DENND6A: variants seen among roughly 807,000 people sequenced by gnomAD.
DENND6A encodes the protein DENN domain containing 6A, also known as protein DENND6A.
Under a neutral mutation model 95.5 loss-of-function variants are expected in DENND6A, and 43 were observed. The ratio of observed to expected loss-of-function variants is 0.45; its 90% confidence interval spans 0.35 to 0.58. The LOEUF is 0.58. DENND6A is among the 20% of genes least tolerant of loss of function. The pLI is 0.00. For missense variants in DENND6A, 574 were observed against 736.0 expected (o/e 0.78, Z 2.55); for synonymous variants, 257 against 260.4 (o/e 0.99, Z 0.13).
At chr3:57,671,873 G>A (rs971571094) in intron 3 of DENND6A, among the ~76,000 whole-genome samples, 2 of 152,028 alleles carry the variant, frequency 1.3e-5, no homozygotes, top group Non-Finnish European at 2.9e-5. Context: ...AATTTATCCT[G>A]GCTTTTTTTA....
intron 1 of DENND6A, among the ~76,000 whole-genome samples, chr3:57,677,714 G>A (rs2071736479): frequency 6.6e-6 from 1 of 151,998 alleles, no homozygotes; most frequent in Non-Finnish European, 1.5e-5. Flanking sequence ...TGGGATTATA[G>A]GCCACTACAT....
rs187679837 is a variant in DENND6A, at chr3:57,661,104, G to A, written c.620-265C>T. 1.3e-3 allele frequency among the ~76,000 whole-genome samples: 196 copies of A among 152,000 alleles called. 2 individuals carry two copies. The highest frequency in any genetic ancestry group is 1.9e-4 in the Non-Finnish European group (13 of 68,000). On this transcript the variant is annotated intron_variant, in intron 6 of 19. Transcript: ENST00000311128. The stretch of plus-strand genomic sequence containing the variant: ...TGTATTCATTTATTACTACTAATTA[G>A]CTACAAAAGCACATCAACTGGCAAA...
intron 1 of DENND6A, among the ~76,000 whole-genome samples, chr3:57,677,145 C>T (rs929608928): frequency 6.6e-6 from 1 of 151,976 alleles, no homozygotes; most frequent in African/African-American, 2.4e-5. Context: ...TTTTTTAAAT[C>T]GTCAACTTTC....
At position 57,661,447 on chromosome 3, in the gene DENND6A, T is replaced by C. The variant is rs2071422498; in HGVS notation, c.618A>G (p.Ala206=). The C allele has an allele frequency of 1.9e-6, 3 of 1,560,944 alleles. No individual in the cohort carries two copies. Among genetic ancestry groups the C allele is most frequent in the African/African-American group, 2.8e-5 (2 of 71,416 alleles). Residue 206 remains alanine (A), a splice_region_variant and synonymous_variant, in exon 6 of 20, where the codon GCA becomes GCG. Coordinates refer to ENST00000311128, the MANE Select transcript of DENND6A (RefSeq NM_152678.3). Reference sequence around the variant, plus strand: ...CATAAAGGTATATGTTAAACTTACCTGCTTCCAAATAAGGTTCATTCTTTT... The same window carrying C: ...CATAAAGGTATATGTTAAACTTACCCGCTTCCAAATAAGGTTCATTCTTTT... The part of the protein sequence containing the change: ...YFEKNEPYLE[A]ACNDVDRWPA...
At chr3:57,659,300 CTA>C (rs1426609220) in intron 7 of DENND6A, 120 bp from the exon 8 acceptor site, 1 of 994,334 alleles carries the variant, frequency 1.0e-6, no homozygotes, top group Non-Finnish European at 1.5e-6. Context: ...ACAAAATTAT[CTA>C]TGTCAGAGTT....
At chr3:57,667,002 T>C (rs2071534049) in intron 3 of DENND6A, among the ~76,000 whole-genome samples, 1 of 152,260 alleles carries the variant, frequency 6.6e-6, no homozygotes, top group South Asian at 2.1e-4. Flanking sequence ...CTTTTTCTTT[T>C]ACAAACGTAG....
In DENND6A at chr3:57,628,119, C is replaced by T. The variant is rs566527979; in HGVS notation, c.*95G>A. ...TAGCATTCATGGCAATTTTCCACTCCGCTGCCACTGAGAGATCTCCTTTGT... is the reference window on the plus strand; with the variant it reads ...TAGCATTCATGGCAATTTTCCACTCTGCTGCCACTGAGAGATCTCCTTTGT... On this transcript the variant is annotated 3_prime_UTR_variant, in exon 20 of 20. Coordinates refer to ENST00000311128, the MANE Select transcript of DENND6A (RefSeq NM_152678.3). 1.0e-4 allele frequency: 155 copies of T among 1,513,666 alleles called. No individual in the cohort carries two copies. Among genetic ancestry groups the T allele is most frequent in the Admixed American group, 9.9e-4 (47 of 47,610 alleles). The allele number at this position is 1,513,666 out of a possible 1,614,324, so 93.8% of individuals were successfully genotyped here. A position where few individuals can be genotyped will look rare whatever the true frequency, so the allele number is the denominator to read the frequency against.
In DENND6A at chr3:57,676,375, T is replaced by A. The variant is rs1398381276; in HGVS notation, c.238-3937A>T. 2.1e-4 allele frequency among the ~76,000 whole-genome samples: 18 copies of A among 87,362 alleles called. 1 individual carries two copies. The highest frequency in any genetic ancestry group is 3.3e-4 in the Non-Finnish European group (15 of 44,912). The allele number at this position is 87,362 out of a possible 152,430, so 57.3% of individuals were successfully genotyped here. On this transcript the variant is annotated intron_variant, in intron 1 of 19. Coordinates refer to ENST00000311128, the MANE Select transcript of DENND6A (RefSeq NM_152678.3). ...AGCCTGGCAAAAGAATAAGATTATT[T>A]AAAAAAAAAAAAAAAAAAAAAAAGG... is the stretch of plus-strand genomic sequence containing the variant.
At chr3:57,688,542 A>G (rs1164345693) in intron 1 of DENND6A, among the ~76,000 whole-genome samples, 1 of 152,028 alleles carries the variant, frequency 6.6e-6, no homozygotes, top group East Asian at 1.9e-4. Context: ...CTTCAGCCTC[A>G]TTCCAGAAAA....
intron 9 of DENND6A, chr3:57,654,848 A>G: frequency 2.2e-6 from 2 of 895,724 alleles, no homozygotes; most frequent in East Asian, 1.2e-4. Context: ...CACCTTCAAT[A>G]TAACTGGATA....
intron 9 of DENND6A, among the ~76,000 whole-genome samples, chr3:57,655,961 G>A (rs1034274214): frequency 1.3e-5 from 2 of 152,122 alleles, no homozygotes; most frequent in African/African-American, 4.8e-5. Context: ...GTATCAAAAC[G>A]AGAAATGTAC....
chr3:57,628,168 G>A lies in DENND6A; in HGVS notation c.*46C>T. ...GTGCGTCTGGTTGAAATGTCAGTATGCTTCATGATGCATAATCCTTTTTGG... is the reference window on the plus strand; with the variant it reads ...GTGCGTCTGGTTGAAATGTCAGTATACTTCATGATGCATAATCCTTTTTGG... On this transcript the variant is annotated 3_prime_UTR_variant, in exon 20 of 20. Coordinates refer to ENST00000311128, the MANE Select transcript of DENND6A (RefSeq NM_152678.3). 2 of 1,588,662 alleles carry A rather than the reference G, an allele frequency of 1.3e-6. No individual in the cohort carries two copies. The highest frequency in any genetic ancestry group is 1.1e-5 in the South Asian group (1 of 87,166).
intron 1 of DENND6A, among the ~76,000 whole-genome samples, chr3:57,681,194 G>A (rs558830841): frequency 1.4e-4 from 21 of 152,170 alleles, no homozygotes; most frequent in South Asian, 6.2e-4. Context: ...GCCAGGCCAC[G>A]GTGGCTCACA....
intron 1 of DENND6A, among the ~76,000 whole-genome samples, chr3:57,674,120 C>T (rs1293396928): frequency 2.0e-5 from 3 of 151,814 alleles, no homozygotes; most frequent in Admixed American, 6.6e-5. Context: ...CAGTGGCTCA[C>T]GCCTGTAATC....
At chr3:57,631,923 CGTGTTAG>C (rs2070688749) in intron 15 of DENND6A, among the ~76,000 whole-genome samples, 1 of 150,052 alleles carries the variant, frequency 6.7e-6, no homozygotes, top group East Asian at 2.0e-4. Flanking sequence ...GGGGTTTCAC[CGTGTTAG>C]CCAGGATGGT....
At chr3:57,636,776 A>C (rs1024575468) in intron 12 of DENND6A, among the ~76,000 whole-genome samples, 1 of 151,996 alleles carries the variant, frequency 6.6e-6, no homozygotes, top group Non-Finnish European at 1.5e-5. Flanking sequence ...GTCTCCACTA[A>C]AAATACAAAA....
chr3:57,679,674 T>G (rs914272438), intron 1 of DENND6A: 1 of 524,244 alleles, frequency 1.9e-6, no homozygotes, highest in Non-Finnish European at 2.4e-6. Flanking sequence ...AGGGTGTACC[T>G]TCCACATCAA....
chr3:57,652,953 A>C (rs1422333595), intron 9 of DENND6A, among the ~76,000 whole-genome samples: 1 of 152,242 alleles, frequency 6.6e-6, no homozygotes, highest in Non-Finnish European at 1.5e-5. Context: ...ACATTATTGT[A>C]ACAACTGGTA....
At chr3:57,633,163 G>C in intron 15 of DENND6A, 102 bp downstream of exon 15, 2 of 971,586 alleles carry the variant, frequency 2.1e-6, no homozygotes, top group Non-Finnish European at 3.1e-6. Context: ...TACCAGGCTG[G>C]CAAAACACAC....
Sources: gnomAD v4.1 joint callset for allele counts (sites outside exome capture counted in the v4.1 genomes callset) on GRCh38, gnomAD v4.1.1 for gene constraint, MANE v1.5 for transcripts, NCBI Gene and HGNC (gene_info 2026-07-23, HGNC 2026-07-21) for gene names.